CCDC126: variants seen among roughly 807,000 people sequenced by gnomAD.
CCDC126 encodes the protein coiled-coil domain-containing protein 126.
In CCDC126, 5 loss-of-function variants were observed where a neutral mutation model predicts 11.7. The observed-to-expected ratio is 0.43, with a 90% CI of 0.22 to 0.90. CCDC126 has a LOEUF of 0.90. Among genes scored for constraint, CCDC126 ranks in the 40% least tolerant of loss-of-function variants. CCDC126 has a pLI of 0.27. For synonymous variants in CCDC126, 60 were observed against 61.9 expected (o/e 0.97, Z 0.14); for missense variants, 150 against 163.1 (o/e 0.92, Z 0.44).
intron 3 of CCDC126, among the ~76,000 whole-genome samples, chr7:23,640,229 G>A (rs896912166): frequency 1.3e-5 from 2 of 151,432 alleles, no homozygotes; most frequent in Non-Finnish European, 2.9e-5. Flanking sequence ...TGGGCATGGT[G>A]GCTTATGTCT....
chr7:23,637,984 C>T (rs1409751897), intron 3 of CCDC126, among the ~76,000 whole-genome samples: 17 of 130,362 alleles, frequency 1.3e-4, no homozygotes, highest in Non-Finnish European at 2.5e-4. Context: ...AGCCCCCCGC[C>T]CGGCCAGCCG....
intron 3 of CCDC126, among the ~76,000 whole-genome samples, chr7:23,612,696 CCTT>C (rs1038211876): frequency 6.6e-6 from 1 of 151,800 alleles, no homozygotes; most frequent in Non-Finnish European, 1.5e-5. Context: ...AAAAAAATGA[CCTT>C]CTTGGACATA....
Position 23,611,302 on chromosome 7 carries a change from T to C in CCDC126, c.-14T>C. On this transcript the variant is annotated 5_prime_UTR_variant, in exon 3 of 4. Coordinates refer to ENST00000307471, the MANE Select transcript of CCDC126 (RefSeq NM_138771.4). ...CCATTTTTCAGTCAAGTCTGTTTGTTTGCTTCTTCAGAAATGTTTTTTACA... is the reference window on the plus strand; with the variant it reads ...CCATTTTTCAGTCAAGTCTGTTTGTCTGCTTCTTCAGAAATGTTTTTTACA... 3.9e-6 allele frequency: 6 copies of C among 1,535,452 alleles called. No homozygotes were observed. The highest frequency in any genetic ancestry group is 5.4e-6 in the Non-Finnish European group (6 of 1,109,418).
intron 3 of CCDC126, among the ~76,000 whole-genome samples, chr7:23,639,158 C>G (rs1043787515): frequency 2.7e-5 from 4 of 150,306 alleles, no homozygotes; most frequent in African/African-American, 7.3e-5. Context: ...TATCTTTCAT[C>G]TAAACTCACA....
At chr7:23,634,061 G>C (rs1177515535) in intron 3 of CCDC126, among the ~76,000 whole-genome samples, 3 of 152,206 alleles carry the variant, frequency 2.0e-5, no homozygotes, top group Non-Finnish European at 4.4e-5. Flanking sequence ...TGTACATACA[G>C]GTTTATCTAT....
chr7:23,643,201 A>G lies in CCDC126; in HGVS notation c.*86A>G. 8.7e-7 allele frequency: 1 copy of G among 1,145,320 alleles called. No individual in the cohort carries two copies. The highest frequency in any genetic ancestry group is 1.2e-6 in the Non-Finnish European group (1 of 812,824). 70.9% of individuals were successfully genotyped at this position (1,145,320 alleles called of 1,614,324 possible). A position where few individuals can be genotyped will look rare whatever the true frequency, so the allele number is the denominator to read the frequency against. Reference sequence around the variant, plus strand: ...CTTTATAATTGCTGGCTTAGGACAGAGCAATACTTTACAATAAAAGCTCTA... The same window carrying G: ...CTTTATAATTGCTGGCTTAGGACAGGGCAATACTTTACAATAAAAGCTCTA... On this transcript the variant is annotated 3_prime_UTR_variant, in exon 4 of 4. Transcript: ENST00000307471.
intron 2 of CCDC126, among the ~76,000 whole-genome samples, chr7:23,599,562 G>A (rs764916551): frequency 2.0e-5 from 3 of 151,834 alleles, no homozygotes; most frequent in Non-Finnish European, 4.4e-5. Flanking sequence ...TAGTGCAGTG[G>A]TGCTGGCTCA....
At chr7:23,601,108 A>G (rs1200985363) in intron 2 of CCDC126, among the ~76,000 whole-genome samples, 1 of 151,584 alleles carries the variant, frequency 6.6e-6, no homozygotes, top group Non-Finnish European at 1.5e-5. Flanking sequence ...CATAGGCTGG[A>G]CTCAGTGGCT....
At chr7:23,627,106 G>C (rs1584209898) in intron 3 of CCDC126, among the ~76,000 whole-genome samples, 1 of 152,304 alleles carries the variant, frequency 6.6e-6, no homozygotes, top group African/African-American at 2.4e-5. Context: ...CCTACACCTG[G>C]TTCTGAATCT....
intron 3 of CCDC126, among the ~76,000 whole-genome samples, chr7:23,630,959 C>G (rs1783100029): frequency 6.6e-6 from 1 of 151,632 alleles, no homozygotes; most frequent in Admixed American, 6.6e-5. Flanking sequence ...GAAATGAATA[C>G]AAATGAAAAT....
chr7:23,618,125 T>TATCCA (rs1480867548), intron 3 of CCDC126, among the ~76,000 whole-genome samples: 1 of 152,248 alleles, frequency 6.6e-6, no homozygotes, highest in Non-Finnish European at 1.5e-5. Context: ...CCTCCTGGCA[T>TATCCA]ATCCAACACA....
intron 2 of CCDC126, among the ~76,000 whole-genome samples, chr7:23,599,754 C>CG (rs888325806): frequency 4.0e-4 from 61 of 152,088 alleles, no homozygotes; most frequent in Middle Eastern, 6.8e-3. Context: ...CCCTGGAGCC[C>CG]GGCCTGCATA....
intron 3 of CCDC126, among the ~76,000 whole-genome samples, chr7:23,622,200 C>G (rs1232689371): frequency 6.6e-6 from 1 of 152,146 alleles, no homozygotes; most frequent in African/African-American, 2.4e-5. Flanking sequence ...GGCTGTGACT[C>G]CATCTGGTCC....
intron 2 of CCDC126, among the ~76,000 whole-genome samples, chr7:23,606,285 C>T (rs981102481): frequency 1.3e-5 from 2 of 152,072 alleles, no homozygotes; most frequent in African/African-American, 4.8e-5. Context: ...GTCTCGATCT[C>T]CTGACCTCGT....
chr7:23,637,845 G>A (rs1367441113), intron 3 of CCDC126, among the ~76,000 whole-genome samples: 52 of 114,942 alleles, frequency 4.5e-4, no homozygotes, highest in Non-Finnish European at 8.6e-4. Context: ...AGGTGGGGGG[G>A]TCAGCCCCCC....
chr7:23,629,554 G>A (rs566179530), intron 3 of CCDC126, among the ~76,000 whole-genome samples: 1 of 151,628 alleles, frequency 6.6e-6, no homozygotes, highest in African/African-American at 2.4e-5. Flanking sequence ...TCTCCAAAGA[G>A]CATTTAATGA....
intron 3 of CCDC126, among the ~76,000 whole-genome samples, chr7:23,624,146 T>A (rs1370689497): frequency 2.0e-5 from 3 of 152,244 alleles, no homozygotes; most frequent in Non-Finnish European, 4.4e-5. Context: ...TTTGTTACTG[T>A]GGTCTCCTTT....
chr7:23,623,991 C>T (rs1291136948), intron 3 of CCDC126, among the ~76,000 whole-genome samples: 1 of 152,134 alleles, frequency 6.6e-6, no homozygotes, highest in East Asian at 1.9e-4. Flanking sequence ...CCTCTGTTTT[C>T]AGTAGTACAT....
At position 23,622,611 on chromosome 7, in the gene CCDC126, T is replaced by C. The variant is rs1420071549; in HGVS notation, c.238+11058T>C. 1.5e-5 allele frequency: 8 copies of C among 536,368 alleles called. No individual in the cohort carries two copies. In the East Asian group the frequency reaches 4.3e-4, roughly 29 times the overall value. The allele number at this position is 536,368 out of a possible 1,614,324, so 33.2% of individuals were successfully genotyped here. On this transcript the variant is annotated intron_variant, in intron 3 of 3. Coordinates refer to ENST00000307471, the MANE Select transcript of CCDC126 (RefSeq NM_138771.4). ...GAGAAATTGGGGCAGAAGTATTGAG[T>C]GGCTCTAAGGATAGCCAAGGATCCA...
Sources: gnomAD v4.1 joint callset for allele counts (sites outside exome capture counted in the v4.1 genomes callset) on GRCh38, gnomAD v4.1.1 for gene constraint, MANE v1.5 for transcripts, NCBI Gene and HGNC (gene_info 2026-07-23, HGNC 2026-07-21) for gene names.